ME2: variants seen among roughly 807,000 people sequenced by gnomAD.
The protein encoded by ME2 is malic enzyme 2.
A neutral mutation model predicts 73.7 loss-of-function variants in ME2; 60 were observed. The ratio of observed to expected loss-of-function variants is 0.81; its 90% CI spans 0.66 to 1.01. The LOEUF (loss-of-function observed/expected upper bound fraction) is 1.01, where lower values mean the gene tolerates loss of function less well. Among genes scored for constraint, ME2 ranks in the 50% least tolerant of loss-of-function variants. The pLI, the probability that ME2 is intolerant of heterozygous loss-of-function variation, is 0.00. For missense variants in ME2, 594 were observed against 705.5 expected, an observed-to-expected ratio of 0.84 and a Z score of 1.79; for synonymous variants, 199 against 236.9, an observed-to-expected ratio of 0.84 and a Z score of 1.47.
chr18:50,930,804 AACT>A (rs1036143891), intron 12 of ME2, among the ~76,000 whole-genome samples: 1 of 152,218 alleles, frequency 6.6e-6, no homozygotes, highest in African/African-American at 2.4e-5. Context: ...ATTAACCATG[AACT>A]AACCTTAATC....
At chr18:50,886,408 T>A (rs1249906576) in intron 1 of ME2, among the ~76,000 whole-genome samples, 1 of 151,958 alleles carries the variant, frequency 6.6e-6, no homozygotes, top group East Asian at 1.9e-4. Context: ...CCTGCCCAGC[T>A]AATTTTTGTA....
At chr18:50,879,552 C>A (rs987916793) in intron 1 of ME2, among the ~76,000 whole-genome samples, 6 of 152,200 alleles carry the variant, frequency 3.9e-5, no homozygotes, top group Admixed American at 1.3e-4. Context: ...CTCTACCCGG[C>A]GCGCGATTTC....
intron 9 of ME2, 59 bp downstream of exon 9, chr18:50,920,817 G>T: frequency 7.7e-7 from 1 of 1,302,964 alleles, no homozygotes; most frequent in Non-Finnish European, 1.1e-6. Context: ...ATTAGAAAAT[G>T]GGCAGAATAT....
rs575954717 is a variant in ME2 at position 50,901,287 on chromosome 18, A to G, written c.108+5359A>G. On this transcript the variant is annotated intron_variant, in intron 2 of 15. Transcript: ENST00000321341. ...CTATCTCCTGAATCGTTTGCCTTCT[A>G]TCTTACATTTCTCATTACAAACGTA... Among the ~76,000 whole-genome samples, 11 of 152,338 alleles carry G rather than the reference A, an allele frequency of 7.2e-5. 1 individual carries two copies. In the South Asian group the frequency reaches 1.9e-3, roughly 26 times the overall value.
intron 2 of ME2, among the ~76,000 whole-genome samples, chr18:50,896,412 A>G (rs948016124): frequency 3.3e-5 from 5 of 152,180 alleles, no homozygotes; most frequent in Admixed American, 2.6e-4. Context: ...ATTAATTAGA[A>G]TGATTAGATG....
intron 10 of ME2, 71 bp from the exon 11 acceptor site, chr18:50,924,024 CATA>C (rs1917485620): frequency 1.2e-5 from 11 of 906,074 alleles, no homozygotes; most frequent in Middle Eastern, 2.6e-4. Context: ...ATGTGTAACT[CATA>C]ATGATGTCTT....
intron 13 of ME2, 154 bp downstream of exon 13, chr18:50,932,514 C>T (rs1421446819): frequency 3.0e-5 from 14 of 464,294 alleles, no homozygotes; most frequent in Non-Finnish European, 3.8e-6. Flanking sequence ...TCAAATTCAG[C>T]ATGCTCCACT....
chr18:50,914,832 C>A (rs1337943643), intron 4 of ME2, among the ~76,000 whole-genome samples: 3 of 152,138 alleles, frequency 2.0e-5, no homozygotes, highest in Non-Finnish European at 4.4e-5. Flanking sequence ...GTTCTAGAAC[C>A]TGCGTTTCTT....
At chr18:50,888,959 A>C (rs768904733) in intron 1 of ME2, among the ~76,000 whole-genome samples, 1 of 152,136 alleles carries the variant, frequency 6.6e-6, no homozygotes, top group Non-Finnish European at 1.5e-5. Flanking sequence ...ATTTGTAAAG[A>C]TCAAGCCAGT....
intron 3 of ME2, among the ~76,000 whole-genome samples, chr18:50,909,587 G>C (rs879515460): frequency 6.6e-6 from 1 of 152,150 alleles, no homozygotes; most frequent in African/African-American, 2.4e-5. Context: ...AAGTATAGGA[G>C]ATTATTGGTG....
intron 11 of ME2, 88 bp downstream of exon 11, chr18:50,924,300 T>C (rs1359079278): frequency 1.1e-6 from 1 of 891,660 alleles, no homozygotes; most frequent in East Asian, 2.5e-5. Context: ...AAAAATGAAT[T>C]GGCAGTTTTA....
rs534400864 is a variant in ME2, at chr18:50,907,932, G to A, written c.109-131G>A. On this transcript the variant is annotated intron_variant, in intron 2 of 15. Transcript: ENST00000321341. ...CCAATACTGACATCAGTCTTACAAA[G>A]TTTTGAAAGCCTGGGCAAAAATAAT... 6 of 647,310 alleles carry A rather than the reference G, an allele frequency of 9.3e-6. No individual in the cohort carries two copies. The Admixed American group carries it at 1.7e-4, about 19-fold the overall frequency. The allele number at this position is 647,310 out of a possible 1,614,324, so 40.1% of individuals were successfully genotyped here.
intron 13 of ME2, 157 bp downstream of exon 13, chr18:50,932,517 G>T: frequency 2.2e-6 from 1 of 456,536 alleles, no homozygotes; most frequent in Non-Finnish European, 3.9e-6. Context: ...AATTCAGCAT[G>T]CTCCACTTTC....
rs115662808 is a variant in ME2, at chr18:50,914,826, T to C, written c.393-1342T>C. On this transcript the variant is annotated intron_variant, in intron 4 of 15. Transcript: ENST00000321341. The stretch of plus-strand genomic sequence containing the variant: ...CCTCATGTCTGCCTGACCTGTGTTC[T>C]AGAACCTGCGTTTCTTCTTTTTTTC... Among the ~76,000 whole-genome samples, 432 of 152,356 alleles carry C rather than the reference T, an allele frequency of 2.8e-3. 3 individuals are homozygous for C. Among genetic ancestry groups the C allele is most frequent in the African/African-American group, 9.7e-3 (404 of 41,586 alleles).
intron 1 of ME2, among the ~76,000 whole-genome samples, chr18:50,882,758 G>A (rs1336702425): frequency 6.6e-6 from 1 of 152,130 alleles, no homozygotes; most frequent in Non-Finnish European, 1.5e-5. Flanking sequence ...AGACCAGCCT[G>A]CCCAACATGG....
At chr18:50,939,249 A>T (rs1917889259) in intron 13 of ME2, 1 of 189,290 alleles carries the variant, frequency 5.3e-6, no homozygotes, top group Admixed American at 6.0e-5. Flanking sequence ...GCCTCTGTAG[A>T]GCAAGAAGTG....
chr18:50,913,691 A>G (rs1453336350), intron 4 of ME2, among the ~76,000 whole-genome samples: 4 of 152,136 alleles, frequency 2.6e-5, no homozygotes, highest in East Asian at 3.9e-4. Flanking sequence ...TACAAACATT[A>G]TAAGTGGGAA....
intron 2 of ME2, among the ~76,000 whole-genome samples, chr18:50,897,746 G>A (rs1446945232): frequency 1.3e-5 from 2 of 152,136 alleles, no homozygotes; most frequent in African/African-American, 4.8e-5. Context: ...TATAAACCCA[G>A]CTACTTGGGA....
At chr18:50,882,802 T>C (rs759206726) in intron 1 of ME2, among the ~76,000 whole-genome samples, 4 of 151,978 alleles carry the variant, frequency 2.6e-5, no homozygotes, top group Non-Finnish European at 5.9e-5. Flanking sequence ...TACAAAAATT[T>C]GCTGGGCATG....
Sources: gnomAD v4.1 joint callset for allele counts (sites outside exome capture counted in the v4.1 genomes callset) on GRCh38, gnomAD v4.1.1 for gene constraint, MANE v1.5 for transcripts, NCBI Gene and HGNC (gene_info 2026-07-23, HGNC 2026-07-21) for gene names.